The following MARCHF4 variants were observed in gnomAD, a reference collection of about 807,000 sequenced individuals.
MARCHF4 encodes the protein E3 ubiquitin-protein ligase MARCHF4.
MARCHF4 carries 14 observed loss-of-function variants against 43.9 expected under a neutral mutation model. The observed-to-expected ratio is 0.32, with a 90% CI of 0.21 to 0.50. The LOEUF is 0.50. MARCHF4 is among the 20% of genes least tolerant of loss of function. The pLI, the probability that MARCHF4 is intolerant of heterozygous loss-of-function variation, is 0.98. For synonymous variants in MARCHF4, 226 were observed against 213.3 expected, an observed-to-expected ratio of 1.06 and a Z score of -0.52; for missense variants, 468 against 536.7, an observed-to-expected ratio of 0.87 and a Z score of 1.27.
chr2:216,330,439 T>A (rs1433937531), intron 1 of MARCHF4, among the ~76,000 whole-genome samples: 1 of 152,146 alleles, frequency 6.6e-6, no homozygotes, highest in African/African-American at 2.4e-5. Flanking sequence ...ACATCTCTCT[T>A]GATAACTGAC....
intron 1 of MARCHF4, among the ~76,000 whole-genome samples, chr2:216,331,772 A>C (rs1692084362): frequency 6.6e-6 from 1 of 152,242 alleles, no homozygotes; most frequent in Non-Finnish European, 1.5e-5. Context: ...TTAATATTTT[A>C]ACACCCATGA....
chr2:216,261,225 C>T (rs1690738780), intron 3 of MARCHF4, among the ~76,000 whole-genome samples: 2 of 152,194 alleles, frequency 1.3e-5, no homozygotes, highest in South Asian at 2.1e-4. Context: ...ACTGGGCTGA[C>T]GTGAAAGTGT....
chr2:216,309,396 G>A (rs966193442), intron 1 of MARCHF4, among the ~76,000 whole-genome samples: 1 of 152,136 alleles, frequency 6.6e-6, no homozygotes, highest in Non-Finnish European at 1.5e-5. Flanking sequence ...ACACAGGCAC[G>A]ATCTCCCTAT....
intron 1 of MARCHF4, among the ~76,000 whole-genome samples, chr2:216,294,265 G>A (rs1168120758): frequency 1.3e-5 from 2 of 152,238 alleles, no homozygotes; most frequent in Admixed American, 6.5e-5. Flanking sequence ...GCAGCCTTCC[G>A]TACACAGGCA....
At chr2:216,266,901 C>A (rs206365) in intron 3 of MARCHF4, among the ~76,000 whole-genome samples, 1 of 152,156 alleles carries the variant, frequency 6.6e-6, no homozygotes, top group Non-Finnish European at 1.5e-5. Context: ...CCAGGCTACA[C>A]GTCACATGAG....
At chr2:216,318,125 G>A (rs1483567468) in intron 1 of MARCHF4, 1 of 152,226 alleles carries the variant, frequency 6.6e-6, no homozygotes, top group African/African-American at 2.4e-5. Context: ...TTGCCTTCAT[G>A]TCTTTACTCT....
intron 1 of MARCHF4, among the ~76,000 whole-genome samples, chr2:216,320,650 TC>T (rs1691870012): frequency 8.2e-6 from 1 of 121,630 alleles, no homozygotes; most frequent in African/African-American, 3.8e-5. Context: ...TTTCTTTCTT[TC>T]TTTCTTTCTT....
At chr2:216,334,022 C>T (rs1181015676) in intron 1 of MARCHF4, among the ~76,000 whole-genome samples, 3 of 151,630 alleles carry the variant, frequency 2.0e-5, no homozygotes, top group Non-Finnish European at 4.4e-5. Flanking sequence ...TAGAACATGA[C>T]CCCCCAAAGA....
At chr2:216,363,468 G>C (rs181683866) in intron 1 of MARCHF4, among the ~76,000 whole-genome samples, 55 of 152,320 alleles carry the variant, frequency 3.6e-4, no homozygotes, top group African/African-American at 1.3e-3. Context: ...CTGTGAAAGA[G>C]CCTGTAACCC....
intron 1 of MARCHF4, among the ~76,000 whole-genome samples, chr2:216,296,473 T>A (rs1184360303): frequency 6.6e-6 from 1 of 152,234 alleles, no homozygotes; most frequent in Non-Finnish European, 1.5e-5. Flanking sequence ...CTACCTCCTG[T>A]GACCAGAGGA....
rs1484005420 is a variant in MARCHF4 at position 216,351,367 on chromosome 2, T to C, written c.516+18378A>G. On this transcript the variant is annotated intron_variant, in intron 1 of 3. Coordinates refer to ENST00000273067, the MANE Select transcript of MARCHF4 (RefSeq NM_020814.3). ...GCTGAAGGCTTATCAGCAGAGGGAA[T>C]GCAAGAGCTACAAGCAGAACTATGC... 3 of 152,512 alleles carry C rather than the reference T, an allele frequency of 2.0e-5. No individual in the cohort carries two copies. In the East Asian group the frequency reaches 5.8e-4, roughly 29 times the overall value. 9.4% of individuals were successfully genotyped at this position (152,512 alleles called of 1,614,324 possible).
chr2:216,271,442 C>T (rs2105934856), intron 3 of MARCHF4, among the ~76,000 whole-genome samples: 2 of 152,298 alleles, frequency 1.3e-5, no homozygotes. Flanking sequence ...CTGCTCTGCT[C>T]TACCTTCCTC....
intron 1 of MARCHF4, among the ~76,000 whole-genome samples, chr2:216,291,266 C>G (rs577918063): frequency 6.6e-6 from 1 of 152,218 alleles, no homozygotes; most frequent in South Asian, 2.1e-4. Flanking sequence ...GAGTAATGGA[C>G]CTTGTCAAGT....
At chr2:216,357,177 T>C (rs1240980508) in intron 1 of MARCHF4, among the ~76,000 whole-genome samples, 4 of 152,240 alleles carry the variant, frequency 2.6e-5, no homozygotes, top group Non-Finnish European at 4.4e-5. Flanking sequence ...CATATCTTAT[T>C]TGAATTTCAC....
chr2:216,370,060 G>A lies in MARCHF4; in HGVS notation c.201C>T (p.Asp67=). ...TGGCCGCCAAACCGGGGGGCTGGGG[G>A]TCGCCGTGCATGGGCAGGGGCGCTT... ...PPQAPLPMHG[D]PQPPGLAANN... The change falls in exon 1 of 4, where the codon GAC becomes GAT. Residue 67 remains aspartate, a synonymous_variant. Coordinates refer to ENST00000273067, the MANE Select transcript of MARCHF4 (RefSeq NM_020814.3). The A allele has an allele frequency of 6.4e-7, 1 of 1,561,020 alleles. No individual in the cohort carries two copies. The highest frequency in any genetic ancestry group is 8.7e-7 in the Non-Finnish European group (1 of 1,151,964).
intron 1 of MARCHF4, chr2:216,303,455 T>C (rs1691527959): frequency 6.6e-6 from 1 of 152,254 alleles, no homozygotes; most frequent in South Asian, 2.1e-4. Flanking sequence ...TCTCACACTT[T>C]CTGGTTCTGT....
At chr2:216,347,530 C>A (rs1692340090) in intron 1 of MARCHF4, among the ~76,000 whole-genome samples, 1 of 152,050 alleles carries the variant, frequency 6.6e-6, no homozygotes, top group Non-Finnish European at 1.5e-5. Context: ...AAAATGCCGA[C>A]CAGCCTGGCA....
intron 1 of MARCHF4, among the ~76,000 whole-genome samples, chr2:216,322,752 G>A (rs893761109): frequency 1.3e-5 from 2 of 152,160 alleles, no homozygotes; most frequent in African/African-American, 4.8e-5. Flanking sequence ...AACCCAGAAG[G>A]TGGAGGTTGC....
intron 1 of MARCHF4, among the ~76,000 whole-genome samples, chr2:216,306,130 A>C (rs1411261084): frequency 6.6e-6 from 1 of 152,246 alleles, no homozygotes; most frequent in Non-Finnish European, 1.5e-5. Flanking sequence ...GCAAAGTTTT[A>C]ATTGAAATTA....
Sources: allele counts gnomAD v4.1 joint callset (sites outside exome capture counted in the v4.1 genomes callset), GRCh38; gene constraint gnomAD v4.1.1; transcripts MANE v1.5; gene names NCBI Gene and HGNC (gene_info 2026-07-23, HGNC 2026-07-21).